Variants in CD44 observed in about 807,000 individuals in gnomAD.
CD44 encodes CD44 molecule (IN blood group).
Under a neutral mutation model 88.8 loss-of-function variants are expected in CD44, and 49 were observed. The observed-to-expected ratio is 0.55, with a 90% CI of 0.44 to 0.70. The LOEUF is 0.70. Ranked by LOEUF, CD44 falls within the 30% of genes least tolerant of loss-of-function variation. CD44 has a pLI of 0.00. For synonymous variants in CD44, 325 were observed against 312.3 expected (o/e 1.04, Z -0.43); for missense variants, 883 against 913.8 (o/e 0.97, Z 0.43).
intron 14 of CD44, among the ~76,000 whole-genome samples, chr11:35,213,334 A>T (rs1243535738): frequency 6.6e-6 from 1 of 152,126 alleles, no homozygotes; most frequent in Admixed American, 6.5e-5. Context: ...TTTCTTCAAA[A>T]ACACTCACCC....
At chr11:35,224,197 G>C (rs1949528411) in intron 17 of CD44, among the ~76,000 whole-genome samples, 1 of 152,186 alleles carries the variant, frequency 6.6e-6, no homozygotes, top group South Asian at 2.1e-4. Context: ...ATGATGAAGT[G>C]ATCTGTGAGT....
intron 1 of CD44, among the ~76,000 whole-genome samples, chr11:35,151,054 G>A (rs747001515): frequency 6.6e-6 from 1 of 152,174 alleles, no homozygotes; most frequent in Admixed American, 6.5e-5. Flanking sequence ...CAGACATCTC[G>A]ATTGCATGTG....
At chr11:35,145,774 C>G (rs1471174134) in intron 1 of CD44, among the ~76,000 whole-genome samples, 1 of 152,192 alleles carries the variant, frequency 6.6e-6, no homozygotes, top group East Asian at 1.9e-4. Context: ...AGTAGAAGTA[C>G]TATATGGGAG....
chr11:35,198,028 G>T (rs1421925855), intron 6 of CD44, 93 bp from the exon 7 acceptor site: 6 of 1,353,282 alleles, frequency 4.4e-6, no homozygotes, highest in Non-Finnish European at 6.0e-6. Context: ...AAAATCCTGG[G>T]AAATCCATTA....
intron 1 of CD44, among the ~76,000 whole-genome samples, chr11:35,172,962 A>G (rs1265973933): frequency 6.6e-6 from 1 of 152,016 alleles, no homozygotes; most frequent in Non-Finnish European, 1.5e-5. Flanking sequence ...ATGTATTGTC[A>G]GTGAAGTTAT....
Position 35,229,463 on chromosome 11 carries a change from A to ACT in CD44, c.*133_*134dup. On this transcript the variant is annotated 3_prime_UTR_variant, in exon 18 of 18. Transcript: ENST00000428726. Reference sequence around the variant, plus strand: ...AATCTTTTTTAGCATAAAATTTTCTACTCTTTTTGTTTTTTGTGTTTTGTT... The same window carrying ACT: ...AATCTTTTTTAGCATAAAATTTTCTACTCTCTTTTTGTTTTTTGTGTTTTGTT... 4.9e-6 allele frequency: 3 copies of ACT among 614,698 alleles called. No individual in the cohort carries two copies. The highest frequency in any genetic ancestry group is 5.6e-6 in the Non-Finnish European group (2 of 360,170). The allele number at this position is 614,698 out of a possible 1,614,324, so 38.1% of individuals were successfully genotyped here.
At chr11:35,184,288 T>G (rs183517247) in intron 3 of CD44, among the ~76,000 whole-genome samples, 1 of 152,164 alleles carries the variant, frequency 6.6e-6, no homozygotes, top group Non-Finnish European at 1.5e-5. Flanking sequence ...GAACAAATGC[T>G]CTAATAATTT....
intron 1 of CD44, among the ~76,000 whole-genome samples, chr11:35,173,235 G>T (rs979541943): frequency 8.5e-5 from 13 of 152,198 alleles, no homozygotes; most frequent in African/African-American, 1.9e-4. Context: ...GGAATCAGAG[G>T]CTCCCCTATC....
chr11:35,163,513 T>G (rs563847007), intron 1 of CD44, among the ~76,000 whole-genome samples: 1 of 152,316 alleles, frequency 6.6e-6, no homozygotes, highest in Admixed American at 6.5e-5. Flanking sequence ...ACAAATATCC[T>G]TCATAGGAGA....
chr11:35,169,342 C>T (rs1437565027), intron 1 of CD44, among the ~76,000 whole-genome samples: 1 of 151,928 alleles, frequency 6.6e-6, no homozygotes, highest in African/African-American at 2.4e-5. Context: ...ATAATAATTT[C>T]TTGTAATTCT....
At chr11:35,218,696 C>T (rs566589835) in intron 15 of CD44, among the ~76,000 whole-genome samples, 6 of 152,180 alleles carry the variant, frequency 3.9e-5, no homozygotes, top group African/African-American at 1.2e-4. Context: ...CTTTCTGGAG[C>T]GTGTGAGTCC....
intron 1 of CD44, among the ~76,000 whole-genome samples, chr11:35,150,514 G>A (rs992735591): frequency 6.6e-6 from 1 of 152,226 alleles, no homozygotes; most frequent in Non-Finnish European, 1.5e-5. Context: ...TTGTCAAAAT[G>A]TGTCAGAGGC....
At chr11:35,142,383 C>T (rs1858170166) in intron 1 of CD44, among the ~76,000 whole-genome samples, 1 of 151,942 alleles carries the variant, frequency 6.6e-6, no homozygotes, top group Non-Finnish European at 1.5e-5. Flanking sequence ...TTCACAATAG[C>T]AAAGACTTGG....
intron 6 of CD44, chr11:35,197,082 G>A (rs1036014220): frequency 1.9e-6 from 1 of 514,192 alleles, no homozygotes; most frequent in African/African-American, 1.9e-5. Context: ...CTATGGATTA[G>A]TATAGACCAG....
chr11:35,196,031 T>G (rs1221474411), intron 5 of CD44, among the ~76,000 whole-genome samples: 1 of 152,168 alleles, frequency 6.6e-6, no homozygotes. Flanking sequence ...TATCATATCC[T>G]AAATTCTTGG....
intron 4 of CD44, among the ~76,000 whole-genome samples, chr11:35,187,242 C>G (rs1374658994): frequency 2.6e-5 from 4 of 151,886 alleles, no homozygotes; most frequent in African/African-American, 9.7e-5. Context: ...CCACTGCACT[C>G]CAGCCTGGGC....
At chr11:35,181,600 G>A (rs1485788343) in intron 3 of CD44, among the ~76,000 whole-genome samples, 3 of 147,852 alleles carry the variant, frequency 2.0e-5, no homozygotes, top group African/African-American at 7.5e-5. Flanking sequence ...ATGTGAAGGG[G>A]ATGTTAAATT....
chr11:35,198,202 C>A lies in CD44; in HGVS notation c.878C>A (p.Ser293Tyr), dbSNP rs375741863. The A allele has an allele frequency of 1.9e-6, 3 of 1,613,898 alleles. No homozygotes were observed. Among genetic ancestry groups the A allele is most frequent in the Non-Finnish European group, 2.5e-6 (3 of 1,179,900 alleles). Residue 293 changes from serine (S) to tyrosine (Y), a missense_variant, in exon 7 of 18, where the codon TCT becomes TAT. By Grantham distance (144) the Ser-to-Tyr change is moderately radical (BLOSUM62 -2). Coordinates refer to ENST00000428726, the MANE Select transcript of CD44 (RefSeq NM_000610.4). ...EDERDRHLSF[S>Y]GSGIDDDEDF... ...GAAAGAGACAGACACCTCAGTTTTT[C>A]TGGATCAGGCATTGATGATGATGAA...
chr11:35,218,656 A>T (rs757957445), intron 15 of CD44, among the ~76,000 whole-genome samples: 1 of 152,096 alleles, frequency 6.6e-6, no homozygotes, highest in Non-Finnish European at 1.5e-5. Flanking sequence ...CTATGATGCT[A>T]TTGGATGAGA....
Sources: gnomAD v4.1 joint callset for allele counts (sites outside exome capture counted in the v4.1 genomes callset) on GRCh38, gnomAD v4.1.1 for gene constraint, MANE v1.5 for transcripts, NCBI Gene and HGNC (gene_info 2026-07-23, HGNC 2026-07-21) for gene names.